ANKRD17: variants seen among roughly 807,000 people sequenced by gnomAD.
ANKRD17 encodes ankyrin repeat domain-containing protein 17.
Under a neutral mutation model 229.7 loss-of-function variants are expected in ANKRD17, and 19 were observed. That is an observed-to-expected ratio of 0.08 (90% CI 0.06 to 0.12). The LOEUF (loss-of-function observed/expected upper bound fraction) is 0.12, where lower values mean the gene tolerates loss of function less well. Among genes scored for constraint, ANKRD17 ranks in the 10% least tolerant of loss-of-function variants. The probability of loss-of-function intolerance (pLI) is 1.00; values close to 1 mark genes in which losing one functional copy is unlikely to be tolerated. For synonymous variants in ANKRD17, 1,112 were observed against 1,146.1 expected (o/e 0.97, Z 0.60); for missense variants, 2,176 against 3,176.8 (o/e 0.68, Z 7.57).
At chr4:73,159,697 T>C (rs1163478477) in intron 3 of ANKRD17, among the ~76,000 whole-genome samples, 2 of 152,220 alleles carry the variant, frequency 1.3e-5, no homozygotes, top group African/African-American at 4.8e-5. Flanking sequence ...TCAAGGTGTT[T>C]TAATTCTTTC....
At chr4:73,138,448 C>T (rs930600981) in intron 15 of ANKRD17, among the ~76,000 whole-genome samples, 4 of 152,000 alleles carry the variant, frequency 2.6e-5, no homozygotes, top group Non-Finnish European at 4.4e-5. Context: ...AGTGTCTGAA[C>T]GTTACCTAAA....
At chr4:73,204,589 G>T (rs1323269571) in intron 1 of ANKRD17, among the ~76,000 whole-genome samples, 3 of 152,018 alleles carry the variant, frequency 2.0e-5, no homozygotes, top group Middle Eastern at 3.4e-3. Context: ...TCCACCCAAA[G>T]TAATAAAGAG....
intron 2 of ANKRD17, among the ~76,000 whole-genome samples, 190 bp downstream of exon 2, chr4:73,177,190 C>T (rs1234936826): frequency 6.6e-6 from 1 of 152,188 alleles, no homozygotes; most frequent in African/African-American, 2.4e-5. Context: ...ATGGACTTTA[C>T]TCTGGTAATG....
chr4:73,147,041 AC>A (rs1222688500), intron 9 of ANKRD17, among the ~76,000 whole-genome samples, 168 bp from the exon 10 acceptor site: 2 of 152,206 alleles, frequency 1.3e-5, no homozygotes, highest in Non-Finnish European at 2.9e-5. Context: ...AAAATTACAA[AC>A]AAAACTGGTT....
At chr4:73,181,164 G>A (rs1735490526) in intron 1 of ANKRD17, among the ~76,000 whole-genome samples, 1 of 152,152 alleles carries the variant, frequency 6.6e-6, no homozygotes, top group Admixed American at 6.5e-5. Context: ...TCTTAGAGGA[G>A]ATACAGAATC....
intron 31 of ANKRD17, among the ~76,000 whole-genome samples, 182 bp from the exon 32 acceptor site, chr4:73,077,715 A>C (rs1449569478): frequency 2.6e-5 from 4 of 151,752 alleles, no homozygotes; most frequent in Non-Finnish European, 5.9e-5. Flanking sequence ...TTAATGAAAT[A>C]ATCTAAAAAC....
At chr4:73,204,266 C>T (rs570716320) in intron 1 of ANKRD17, among the ~76,000 whole-genome samples, 3 of 140,966 alleles carry the variant, frequency 2.1e-5, no homozygotes, top group South Asian at 4.8e-4. Flanking sequence ...GAGGCTGAGG[C>T]GGGAGAATGG....
intron 1 of ANKRD17, among the ~76,000 whole-genome samples, chr4:73,218,118 C>T (rs1471240524): frequency 6.6e-6 from 1 of 152,058 alleles, no homozygotes; most frequent in Non-Finnish European, 1.5e-5. Flanking sequence ...CTTGTCAGCA[C>T]CACATTCATA....
chr4:73,130,591 C>A (rs969377221), intron 16 of ANKRD17, among the ~76,000 whole-genome samples: 2 of 148,558 alleles, frequency 1.3e-5, no homozygotes. Flanking sequence ...TGAAAGAAAG[C>A]AAAATTCTAT....
intron 30 of ANKRD17, chr4:73,080,861 G>C (rs1721493335): frequency 1.3e-5 from 2 of 152,224 alleles, no homozygotes; most frequent in African/African-American, 4.8e-5. Context: ...CTGAAGTACA[G>C]TGACTATTCA....
At chr4:73,193,673 C>T (rs1168616786) in intron 1 of ANKRD17, among the ~76,000 whole-genome samples, 1 of 152,130 alleles carries the variant, frequency 6.6e-6, no homozygotes, top group Non-Finnish European at 1.5e-5. Flanking sequence ...AGGCTCACAT[C>T]TGCAATTGGA....
rs141832504 is a variant in ANKRD17 at position 73,098,088 on chromosome 4, C to A, written c.5006G>T (p.Gly1669Val). 2.5e-6 allele frequency: 4 copies of A among 1,598,870 alleles called. No individual in the cohort carries two copies. In the South Asian group the frequency reaches 4.5e-5, roughly 18 times the overall value. ...TGGAACTAACTTTATTGAAGCCTTG[C>A]CAGAAACAGATTTTCTCTCTTCCTT... is the stretch of plus-strand genomic sequence containing the variant. ...FPKEERKSVSGKASIKLSETI... is the reference protein window; with the variant it reads ...FPKEERKSVSVKASIKLSETI... The change falls in exon 26 of 34, where the codon GGC becomes GTC. Residue 1669 changes from glycine to valine, a missense_variant. This residue lies in a region of ANKRD17 where 98 missense variants were observed against 101.0 expected (regional missense o/e 0.97). Transcript: ENST00000358602.
intron 16 of ANKRD17, among the ~76,000 whole-genome samples, chr4:73,127,257 TG>T (rs1444158897): frequency 6.6e-6 from 1 of 152,170 alleles, no homozygotes; most frequent in Non-Finnish European, 1.5e-5. Context: ...TCACTCCAGC[TG>T]TAAGTCTAAC....
intron 30 of ANKRD17, among the ~76,000 whole-genome samples, chr4:73,082,639 C>A (rs1389110623): frequency 6.6e-6 from 1 of 152,026 alleles, no homozygotes; most frequent in African/African-American, 2.4e-5. Context: ...TTAAACATAC[C>A]CTGAATTTAA....
chr4:73,135,343 T>C (rs1440001025), intron 15 of ANKRD17, 78 bp from the exon 16 acceptor site: 3 of 1,388,204 alleles, frequency 2.2e-6, no homozygotes, highest in African/African-American at 2.9e-5. Flanking sequence ...TCAAAAATAT[T>C]TAAAGACTTC....
At chr4:73,142,819 A>T in intron 11 of ANKRD17, 52 bp from the exon 12 acceptor site, 1 of 1,542,904 alleles carries the variant, frequency 6.5e-7, no homozygotes, top group Non-Finnish European at 8.7e-7. Flanking sequence ...TTTTTCTTAA[A>T]ATTATGGTAA....
chr4:73,256,458 C>T (rs534143681), intron 1 of ANKRD17, among the ~76,000 whole-genome samples: 1 of 152,196 alleles, frequency 6.6e-6, no homozygotes, highest in Non-Finnish European at 1.5e-5. Flanking sequence ...CCTTGCTATT[C>T]AGTAACTATT....
intron 1 of ANKRD17, among the ~76,000 whole-genome samples, chr4:73,205,404 A>G (rs964206548): frequency 6.6e-6 from 1 of 152,206 alleles, no homozygotes; most frequent in Non-Finnish European, 1.5e-5. Flanking sequence ...AACACAGACC[A>G]ATGGAACAGA....
chr4:73,090,627 CA>C, intron 29 of ANKRD17, 39 bp downstream of exon 29: 1 of 1,610,462 alleles, frequency 6.2e-7, no homozygotes, highest in Non-Finnish European at 8.5e-7. Flanking sequence ...ATCACTTGTG[CA>C]AATGAACAGC....
Sources: allele counts gnomAD v4.1 joint callset (sites outside exome capture counted in the v4.1 genomes callset), GRCh38; gene constraint gnomAD v4.1.1; regional missense constraint gnomAD v4.1.1; transcripts MANE v1.5; gene names NCBI Gene and HGNC (gene_info 2026-07-23, HGNC 2026-07-21).